AOAH: variants seen among roughly 807,000 people sequenced by gnomAD.
The protein encoded by AOAH is acyloxyacyl hydrolase, also known as acyloxyacyl hydrolase (neutrophil).
In AOAH, 64 loss-of-function variants were observed where a neutral mutation model predicts 92.2. The ratio of observed to expected loss-of-function variants is 0.69; its 90% CI spans 0.57 to 0.86. AOAH has a LOEUF of 0.86. Ranked by LOEUF, AOAH falls within the 40% of genes least tolerant of loss-of-function variation. The pLI is 0.00. For missense variants in AOAH, 656 were observed against 694.6 expected (o/e 0.94, Z 0.62); for synonymous variants, 263 against 254.5 (o/e 1.03, Z -0.32).
chr7:36,661,411 C>T (rs931180397), intron 3 of AOAH: 10 of 152,160 alleles, frequency 6.6e-5, no homozygotes, highest in African/African-American at 1.9e-4. Flanking sequence ...ACCCAGAGGA[C>T]GTGCAGTGAG....
chr7:36,557,679 C>T (rs996189041), intron 13 of AOAH, among the ~76,000 whole-genome samples: 104 of 152,148 alleles, frequency 6.8e-4, no homozygotes, highest in African/African-American at 2.4e-3. Flanking sequence ...AGGCTTTGTT[C>T]GTTTCTTTTT....
rs139474134 is a variant in AOAH at position 36,628,725 on chromosome 7, G to A, written c.521+3311C>T. ...TTGAAAGCATTAGACCGAATGGGAC[G>A]GAGGGCAGGGAGAGGCACTGGGCAG... On this transcript the variant is annotated intron_variant, in intron 6 of 20. Transcript: ENST00000617537. Among the ~76,000 whole-genome samples the A allele has an allele frequency of 1.6e-4, 25 of 152,312 alleles. No individual in the cohort carries two copies. The East Asian group carries it at 3.9e-3, about 24-fold the overall frequency.
intron 20 of AOAH, among the ~76,000 whole-genome samples, chr7:36,515,589 A>C: frequency 1.1e-5 from 1 of 90,394 alleles, no homozygotes; most frequent in East Asian, 3.9e-4. Context: ...CACCACACAC[A>C]TACCACACCC....
intron 16 of AOAH, among the ~76,000 whole-genome samples, chr7:36,535,426 A>C (rs1042615247): frequency 1.3e-5 from 2 of 152,216 alleles, no homozygotes; most frequent in Admixed American, 1.3e-4. Context: ...ATGCCATGTA[A>C]ATGTGTTAAA....
intron 1 of AOAH, among the ~76,000 whole-genome samples, chr7:36,689,265 G>A (rs184065845): frequency 5.6e-4 from 85 of 152,306 alleles, no homozygotes; most frequent in African/African-American, 1.6e-3. Context: ...ATGTGCTGCT[G>A]CTCACAATCA....
intron 3 of AOAH, among the ~76,000 whole-genome samples, chr7:36,668,475 T>C (rs930938951): frequency 2.5e-4 from 38 of 152,234 alleles, no homozygotes; most frequent in African/African-American, 8.9e-4. Flanking sequence ...CCAATAATCT[T>C]ACTTCTTTTG....
At chr7:36,608,709 C>A (rs1430700688) in intron 11 of AOAH, among the ~76,000 whole-genome samples, 2 of 152,168 alleles carry the variant, frequency 1.3e-5, no homozygotes, top group Non-Finnish European at 2.9e-5. Flanking sequence ...CCACTGGGCA[C>A]TGTCATGACT....
chr7:36,512,981 G>A lies in AOAH; in HGVS notation c.*271C>T, dbSNP rs1790126998. ...CCTTTTAGAACAATTAGCTGTAAAG[G>A]GCACAGATACTCTCTTGTTTGGAAT... On this transcript the variant is annotated 3_prime_UTR_variant, in exon 21 of 21. Transcript: ENST00000617537. The A allele has an allele frequency of 3.6e-6, 5 of 1,396,572 alleles. No homozygotes were observed. The Admixed American group carries it at 1.0e-4, about 29-fold the overall frequency. The allele number at this position is 1,396,572 out of a possible 1,614,324, so 86.5% of individuals were successfully genotyped here.
intron 5 of AOAH, among the ~76,000 whole-genome samples, chr7:36,636,359 G>T (rs543126958): frequency 6.6e-6 from 1 of 151,850 alleles, no homozygotes; most frequent in Non-Finnish European, 1.5e-5. Context: ...GGTGACAGAA[G>T]TAAAAAATTG....
At chr7:36,594,316 T>G (rs1327407669) in intron 12 of AOAH, 23 bp downstream of exon 12, 1 of 1,576,028 alleles carries the variant, frequency 6.3e-7, no homozygotes, top group East Asian at 2.2e-5. Context: ...TTGAAATGTC[T>G]GAGGGTGCAC....
chr7:36,713,578 G>T (rs1311132451), intron 1 of AOAH, among the ~76,000 whole-genome samples: 1 of 152,180 alleles, frequency 6.6e-6, no homozygotes, highest in African/African-American at 2.4e-5. Context: ...ATAGTTGGAA[G>T]TAAAGCTCTC....
chr7:36,694,802 T>C (rs1797611409), intron 1 of AOAH, among the ~76,000 whole-genome samples: 1 of 152,078 alleles, frequency 6.6e-6, no homozygotes, highest in Admixed American at 6.6e-5. Flanking sequence ...TAGTTAGACA[T>C]AAAAAGATAT....
intron 11 of AOAH, 131 bp downstream of exon 11, chr7:36,616,249 C>G: frequency 2.8e-6 from 2 of 713,494 alleles, no homozygotes; most frequent in Non-Finnish European, 4.9e-6. Context: ...TGTGGATATG[C>G]CTTTCATGGC....
At chr7:36,657,067 T>G (rs1794938512) in intron 4 of AOAH, among the ~76,000 whole-genome samples, 1 of 152,136 alleles carries the variant, frequency 6.6e-6, no homozygotes, top group South Asian at 2.1e-4. Context: ...GGGTATAAAA[T>G]TGTATATGCA....
rs879424768 is a variant in AOAH, at chr7:36,552,956, CT to C, written c.1022-3482del. Among the ~76,000 whole-genome samples the C allele has an allele frequency of 2.2e-3, 316 of 144,790 alleles. 2 individuals carry two copies. Among genetic ancestry groups the C allele is most frequent in the Admixed American group, 5.1e-3 (74 of 14,508 alleles). The allele number at this position is 144,790 out of a possible 152,430, so 95.0% of individuals were successfully genotyped here. On this transcript the variant is annotated intron_variant, in intron 13 of 20. Coordinates refer to ENST00000617537, the MANE Select transcript of AOAH (RefSeq NM_001637.4). ...CCATGGTGTATATGCACCACATTTT[CT>C]TTTTTTTTTTCTTTTTTTATTATTA...
chr7:36,606,639 T>G (rs1791021845), intron 11 of AOAH, among the ~76,000 whole-genome samples: 1 of 152,240 alleles, frequency 6.6e-6, no homozygotes, highest in Non-Finnish European at 1.5e-5. Context: ...AAATAATTTT[T>G]GAACAGATGG....
At chr7:36,574,439 A>C (rs1788349862) in intron 13 of AOAH, among the ~76,000 whole-genome samples, 1 of 152,186 alleles carries the variant, frequency 6.6e-6, no homozygotes, top group Admixed American at 6.5e-5. Context: ...ATTTACTATC[A>C]GGTGTCCTAG....
At chr7:36,669,643 A>C (rs1795790501) in intron 3 of AOAH, among the ~76,000 whole-genome samples, 1 of 152,170 alleles carries the variant, frequency 6.6e-6, no homozygotes, top group African/African-American at 2.4e-5. Flanking sequence ...TCAGCCTCCC[A>C]AAGTGCTGGG....
At chr7:36,678,922 G>A (rs1796472583) in intron 2 of AOAH, among the ~76,000 whole-genome samples, 1 of 152,192 alleles carries the variant, frequency 6.6e-6, no homozygotes, top group Non-Finnish European at 1.5e-5. Flanking sequence ...CATATTGACA[G>A]TAGCTTAGCT....
Sources: allele counts gnomAD v4.1 joint callset (sites outside exome capture counted in the v4.1 genomes callset), GRCh38; gene constraint gnomAD v4.1.1; transcripts MANE v1.5; gene names NCBI Gene and HGNC (gene_info 2026-07-23, HGNC 2026-07-21).